CTNND2: variants seen among roughly 807,000 people sequenced by gnomAD.
CTNND2 encodes the protein catenin delta-2.
Under a neutral mutation model 144.4 loss-of-function variants are expected in CTNND2, and 22 were observed. That is an observed-to-expected ratio of 0.15 (90% CI 0.11 to 0.22). CTNND2 has a LOEUF of 0.22. Ranked by LOEUF, CTNND2 falls within the 10% of genes least tolerant of loss-of-function variation. CTNND2 has a pLI of 1.00. For synonymous variants in CTNND2, 751 were observed against 695.6 expected, an observed-to-expected ratio of 1.08 and a Z score of -1.25; for missense variants, 1,353 against 1,618.8, an observed-to-expected ratio of 0.84 and a Z score of 2.82.
At chr5:11,256,318 G>C (rs774662898) in intron 9 of CTNND2, among the ~76,000 whole-genome samples, 1 of 152,068 alleles carries the variant, frequency 6.6e-6, no homozygotes, top group Non-Finnish European at 1.5e-5. Flanking sequence ...AAAAAATACT[G>C]TCTGGTTTTT....
At chr5:11,549,687 T>C (rs1775592975) in intron 3 of CTNND2, among the ~76,000 whole-genome samples, 1 of 152,170 alleles carries the variant, frequency 6.6e-6, no homozygotes, top group Non-Finnish European at 1.5e-5. Context: ...TTATTGGTAG[T>C]AGAATATAGA....
chr5:11,468,066 A>G (rs1478031446), intron 3 of CTNND2, among the ~76,000 whole-genome samples: 2 of 152,204 alleles, frequency 1.3e-5, no homozygotes, highest in African/African-American at 2.4e-5. Context: ...TGAAGTCCCA[A>G]TCTGCAAGTG....
intron 9 of CTNND2, among the ~76,000 whole-genome samples, chr5:11,283,235 A>T (rs1376015558): frequency 6.6e-6 from 1 of 152,136 alleles, no homozygotes; most frequent in African/African-American, 2.4e-5. Context: ...TTTTTTTCCC[A>T]TCCTGTATGG....
At chr5:11,468,598 C>T (rs979994461) in intron 3 of CTNND2, among the ~76,000 whole-genome samples, 1 of 152,174 alleles carries the variant, frequency 6.6e-6, no homozygotes, top group Admixed American at 6.5e-5. Flanking sequence ...TCGGACAATA[C>T]TGCAGATACT....
intron 3 of CTNND2, among the ~76,000 whole-genome samples, chr5:11,549,856 C>T (rs1775609878): frequency 6.6e-6 from 1 of 152,120 alleles, no homozygotes; most frequent in Non-Finnish European, 1.5e-5. Context: ...TTGCTGTACT[C>T]TAGTGTTCTT....
chr5:11,623,840 A>G (rs1165833163), intron 2 of CTNND2, among the ~76,000 whole-genome samples: 1 of 130,734 alleles, frequency 7.6e-6, no homozygotes. Context: ...ATATATATAT[A>G]TATATATATA....
intron 2 of CTNND2, among the ~76,000 whole-genome samples, chr5:11,609,712 G>A (rs554619620): frequency 2.4e-4 from 36 of 152,264 alleles, no homozygotes; most frequent in Admixed American, 3.9e-4. Flanking sequence ...GTGTCTGAGT[G>A]TGCTCCAGCC....
At chr5:11,876,359 G>T (rs58988688) in intron 1 of CTNND2, among the ~76,000 whole-genome samples, 1 of 151,514 alleles carries the variant, frequency 6.6e-6, no homozygotes, top group Non-Finnish European at 1.5e-5. Flanking sequence ...AGAAAAGAAC[G>T]AAAAAGGAAA....
chr5:11,027,115 G>T (rs774280373), intron 16 of CTNND2: 10 of 152,118 alleles, frequency 6.6e-5, no homozygotes, highest in Non-Finnish European at 1.5e-4. Context: ...AAGCAAAGTG[G>T]ATACCTTGCC....
chr5:11,660,763 T>C (rs887538684), intron 2 of CTNND2, among the ~76,000 whole-genome samples: 1 of 152,150 alleles, frequency 6.6e-6, no homozygotes, highest in Non-Finnish European at 1.5e-5. Context: ...GGGCATGTGT[T>C]GCAAGCTGAT....
At chr5:11,688,468 G>A (rs1019820207) in intron 2 of CTNND2, among the ~76,000 whole-genome samples, 1 of 152,126 alleles carries the variant, frequency 6.6e-6, no homozygotes, top group East Asian at 1.9e-4. Context: ...TATGCCTTCC[G>A]CTGACATCAT....
chr5:11,490,740 T>C (rs1769308804), intron 3 of CTNND2, among the ~76,000 whole-genome samples: 1 of 152,244 alleles, frequency 6.6e-6, no homozygotes. Context: ...ATATCAGGAT[T>C]GACCACAGTT....
chr5:11,761,305 T>A (rs1789248665), intron 1 of CTNND2, among the ~76,000 whole-genome samples: 1 of 152,202 alleles, frequency 6.6e-6, no homozygotes, highest in African/African-American at 2.4e-5. Flanking sequence ...ACACATCATC[T>A]TATTGGAAAA....
intron 3 of CTNND2, among the ~76,000 whole-genome samples, chr5:11,545,120 CAAAAAAAAAAAAAAAGG>C (rs1440616440): frequency 2.7e-5 from 1 of 36,584 alleles, no homozygotes; most frequent in Non-Finnish European, 5.8e-5. Context: ...GACTCCGTCT[CAAAAAAAAAAAAAAAGG>C]AAAAAAAAAA....
intron 17 of CTNND2, among the ~76,000 whole-genome samples, chr5:11,019,545 T>C (rs1343045828): frequency 6.6e-6 from 1 of 152,230 alleles, no homozygotes; most frequent in Non-Finnish European, 1.5e-5. Context: ...GGTTTTAACC[T>C]CTCAATTAAA....
At chr5:11,110,463 GTC>G (rs1012349629) in intron 14 of CTNND2, among the ~76,000 whole-genome samples, 4 of 152,122 alleles carry the variant, frequency 2.6e-5, no homozygotes, top group African/African-American at 7.2e-5. Flanking sequence ...GCCTCCCTCT[GTC>G]TCTCTCTGTT....
At chr5:11,861,622 C>T (rs143030228) in intron 1 of CTNND2, among the ~76,000 whole-genome samples, 17 of 152,328 alleles carry the variant, frequency 1.1e-4, no homozygotes, top group Admixed American at 3.9e-4. Flanking sequence ...ATCCCCACCC[C>T]ACAATTGAGC....
chr5:11,876,433 A>G (rs1387428621), intron 1 of CTNND2, among the ~76,000 whole-genome samples: 1 of 152,230 alleles, frequency 6.6e-6, no homozygotes, highest in Non-Finnish European at 1.5e-5. Flanking sequence ...CACAATTCAC[A>G]GAGAAGAATT....
At chr5:11,666,638 G>A (rs1319611418) in intron 2 of CTNND2, among the ~76,000 whole-genome samples, 1 of 152,140 alleles carries the variant, frequency 6.6e-6, no homozygotes, top group Non-Finnish European at 1.5e-5. Context: ...CTTAGAGTTG[G>A]AGCTTGTGCT....
Sources: allele counts gnomAD v4.1 joint callset (sites outside exome capture counted in the v4.1 genomes callset), GRCh38; gene constraint gnomAD v4.1.1; transcripts MANE v1.5; gene names NCBI Gene and HGNC (gene_info 2026-07-23, HGNC 2026-07-21).